STK32A: variants seen among roughly 807,000 people sequenced by gnomAD.
STK32A encodes serine/threonine-protein kinase 32A.
STK32A carries 41 observed loss-of-function variants against 53.2 expected under a neutral mutation model. That is an observed-to-expected ratio of 0.77 (90% CI 0.60 to 1.00). STK32A has a LOEUF of 1.00. Among genes scored for constraint, STK32A ranks in the 50% least tolerant of loss-of-function variants. STK32A has a pLI of 0.00. For missense variants in STK32A, 458 were observed against 485.8 expected (o/e 0.94, Z 0.54); for synonymous variants, 166 against 162.8 (o/e 1.02, Z -0.15).
chr5:147,270,837 A>G (rs890821458), intron 2 of STK32A, among the ~76,000 whole-genome samples: 3 of 152,186 alleles, frequency 2.0e-5, no homozygotes, highest in African/African-American at 7.2e-5. Context: ...TTTGGTATCA[A>G]GAATATTTGA....
chr5:147,261,918 C>T (rs771165545), intron 2 of STK32A, among the ~76,000 whole-genome samples: 8 of 152,208 alleles, frequency 5.3e-5, no homozygotes, highest in African/African-American at 7.2e-5. Flanking sequence ...TCATCCTCAG[C>T]GATTCATAGT....
At chr5:147,323,262 C>T (rs187079113) in intron 4 of STK32A, among the ~76,000 whole-genome samples, 1 of 152,282 alleles carries the variant, frequency 6.6e-6, no homozygotes, top group East Asian at 1.9e-4. Flanking sequence ...CGTTATTTTT[C>T]AGTTATTACT....
At chr5:147,395,771 G>T in the STK32A span, 1 of 1,604,800 alleles carries the variant, frequency 6.2e-7, no homozygotes, top group Admixed American at 1.7e-5. Flanking sequence ...GCATTTTAGG[G>T]TCTGTTCTAG....
rs1757059241 is a variant in STK32A at position 147,372,856 on chromosome 5, A to G, written c.778-313A>G. ...TGATTACAATCGTATGAAATACATT[A>G]TTACCACTTTTTTTAAACACATGGG... On this transcript the variant is annotated intron_variant, in intron 9 of 12. Transcript: ENST00000397936. Among the ~76,000 whole-genome samples, 5 of 152,166 alleles carry G rather than the reference A, an allele frequency of 3.3e-5. No homozygotes were observed. The South Asian group carries it at 1.0e-3, about 32-fold the overall frequency.
chr5:147,315,803 G>T (rs1271221298), intron 4 of STK32A, among the ~76,000 whole-genome samples: 3 of 152,246 alleles, frequency 2.0e-5, no homozygotes, highest in Non-Finnish European at 2.9e-5. Context: ...ACAGAAGACA[G>T]GGATAACAGC....
At chr5:147,311,923 A>T (rs1463654650) in intron 4 of STK32A, among the ~76,000 whole-genome samples, 1 of 151,958 alleles carries the variant, frequency 6.6e-6, no homozygotes, top group East Asian at 1.9e-4. Flanking sequence ...ATGGAGAAAT[A>T]CCTGGGTGCT....
intron 2 of STK32A, among the ~76,000 whole-genome samples, chr5:147,267,051 G>A (rs1404086336): frequency 2.7e-5 from 4 of 149,894 alleles, no homozygotes; most frequent in East Asian, 2.0e-4. Flanking sequence ...AAAACCAACA[G>A]GCAACATTCT....
At chr5:147,348,208 A>T (rs1278130032) in intron 6 of STK32A, among the ~76,000 whole-genome samples, 1 of 152,208 alleles carries the variant, frequency 6.6e-6, no homozygotes, top group African/African-American at 2.4e-5. Context: ...TAAAGGAGAA[A>T]TTTTGTGCAA....
chr5:147,382,619 T>A (rs1010020453), intron 11 of STK32A, among the ~76,000 whole-genome samples: 25 of 152,316 alleles, frequency 1.6e-4, no homozygotes, highest in Non-Finnish European at 3.1e-4. Flanking sequence ...TTATTTTTTA[T>A]TATTGTTGTA....
chr5:147,262,229 A>C (rs1754604985), intron 2 of STK32A, among the ~76,000 whole-genome samples: 1 of 152,150 alleles, frequency 6.6e-6, no homozygotes, highest in Non-Finnish European at 1.5e-5. Flanking sequence ...TTTGCCTCCA[A>C]AGCTCAAGGA....
intron 8 of STK32A, among the ~76,000 whole-genome samples, chr5:147,368,859 T>TTCC (rs771065211): frequency 5.3e-5 from 8 of 152,142 alleles, no homozygotes; most frequent in Non-Finnish European, 1.0e-4. Context: ...TATAAAATCA[T>TTCC]TTTATTTTCT....
At chr5:147,375,969 C>A (rs1757215282) in intron 11 of STK32A, 1 of 152,196 alleles carries the variant, frequency 6.6e-6, no homozygotes, top group Admixed American at 6.5e-5. Context: ...TCAATCCCTG[C>A]CTCCCTCCAT....
intron 5 of STK32A, among the ~76,000 whole-genome samples, chr5:147,330,852 C>T (rs1754833891): frequency 6.6e-6 from 1 of 152,140 alleles, no homozygotes; most frequent in Non-Finnish European, 1.5e-5. Context: ...AGCACATTTA[C>T]CAATCAAGGT....
chr5:147,361,121 T>C (rs947171926), intron 7 of STK32A, among the ~76,000 whole-genome samples: 1 of 152,240 alleles, frequency 6.6e-6, no homozygotes. Flanking sequence ...TTCTGCACGT[T>C]GTCTGCGACT....
intron 2 of STK32A, among the ~76,000 whole-genome samples, chr5:147,248,761 G>T (rs941903548): frequency 1.3e-4 from 20 of 152,166 alleles, no homozygotes; most frequent in African/African-American, 4.6e-4. Flanking sequence ...CCTGGGGCAC[G>T]TGTTTTATAA....
chr5:147,259,161 T>C (rs1339820036), intron 2 of STK32A, among the ~76,000 whole-genome samples: 1 of 152,206 alleles, frequency 6.6e-6, no homozygotes, highest in East Asian at 1.9e-4. Context: ...CAGTGGTTAA[T>C]GTTAAATCAT....
chr5:147,266,935 A>G (rs1405463789), intron 2 of STK32A, among the ~76,000 whole-genome samples: 1 of 151,954 alleles, frequency 6.6e-6, no homozygotes. Flanking sequence ...AGGCAGGAGA[A>G]TCACTTAAAC....
intron 6 of STK32A, among the ~76,000 whole-genome samples, chr5:147,345,806 A>G (rs996380473): frequency 5.3e-5 from 8 of 152,038 alleles, no homozygotes; most frequent in African/African-American, 1.7e-4. Context: ...CTTATTTACA[A>G]TGACTGCTTT....
intron 5 of STK32A, among the ~76,000 whole-genome samples, chr5:147,329,974 C>T (rs558644030): frequency 1.1e-4 from 17 of 152,330 alleles, no homozygotes; most frequent in East Asian, 7.7e-4. Context: ...TCCACACATT[C>T]CTCTGTGCAT....
Sources: allele counts gnomAD v4.1 joint callset (sites outside exome capture counted in the v4.1 genomes callset), GRCh38; gene constraint gnomAD v4.1.1; transcripts MANE v1.5; gene names NCBI Gene and HGNC (gene_info 2026-07-23, HGNC 2026-07-21).